The following GRID2 variants were observed in gnomAD, a reference collection of about 807,000 sequenced individuals.
GRID2 encodes glutamate ionotropic receptor delta type subunit 2.
In GRID2, 33 loss-of-function variants were observed where a neutral mutation model predicts 114.8. That is an observed-to-expected ratio of 0.29 (90% CI 0.22 to 0.38). The LOEUF (loss-of-function observed/expected upper bound fraction) is 0.38, where lower values mean the gene tolerates loss of function less well. Among genes scored for constraint, GRID2 ranks in the 10% least tolerant of loss-of-function variants. The pLI, the probability that GRID2 is intolerant of heterozygous loss-of-function variation, is 1.00. For missense variants in GRID2, 1,184 were observed against 1,257.7 expected (o/e 0.94, Z 0.89); for synonymous variants, 505 against 449.9 (o/e 1.12, Z -1.55).
intron 2 of GRID2, among the ~76,000 whole-genome samples, chr4:92,915,185 G>C (rs1404509729): frequency 1.3e-5 from 2 of 152,092 alleles, no homozygotes; most frequent in East Asian, 1.9e-4. Context: ...GAACAGCAAG[G>C]GGGAAACCGC....
At chr4:93,237,326 A>G (rs1746913863) in intron 7 of GRID2, among the ~76,000 whole-genome samples, 1 of 151,992 alleles carries the variant, frequency 6.6e-6, no homozygotes, top group Non-Finnish European at 1.5e-5. Flanking sequence ...AACATCAATC[A>G]AAAATAGTTT....
chr4:92,484,299 A>T (rs1722761073), intron 1 of GRID2, among the ~76,000 whole-genome samples: 1 of 152,160 alleles, frequency 6.6e-6, no homozygotes, highest in Non-Finnish European at 1.5e-5. Context: ...TCCAAGCTGC[A>T]TAATGATTCA....
intron 2 of GRID2, among the ~76,000 whole-genome samples, chr4:92,599,119 A>C (rs1729085577): frequency 1.4e-5 from 2 of 145,244 alleles, no homozygotes; most frequent in South Asian, 2.1e-4. Context: ...AGAATTATAC[A>C]TGTAGTGTAA....
chr4:92,321,369 T>G (rs1394970205), intron 1 of GRID2, among the ~76,000 whole-genome samples: 1 of 152,176 alleles, frequency 6.6e-6, no homozygotes, highest in Non-Finnish European at 1.5e-5. Flanking sequence ...TGTGCTTGTG[T>G]GTGCGCAAAA....
intron 8 of GRID2, among the ~76,000 whole-genome samples, chr4:93,329,910 GAA>G (rs33981658): frequency 1.5e-3 from 223 of 146,152 alleles, no homozygotes; most frequent in African/African-American, 4.6e-3. Context: ...GACTTATTGC[GAA>G]AAAAAAAAAA....
chr4:92,800,658 G>A (rs1402804313), intron 2 of GRID2, among the ~76,000 whole-genome samples: 1 of 151,874 alleles, frequency 6.6e-6, no homozygotes, highest in Non-Finnish European at 1.5e-5. Flanking sequence ...AAAGTGTAAA[G>A]CATAATAGGA....
chr4:93,316,602 A>G (rs922858974), intron 8 of GRID2, among the ~76,000 whole-genome samples: 2 of 152,166 alleles, frequency 1.3e-5, no homozygotes, highest in African/African-American at 4.8e-5. Flanking sequence ...GCTCTGATGG[A>G]AAAAGCATTT....
At chr4:92,335,929 T>G (rs1018151698) in intron 1 of GRID2, among the ~76,000 whole-genome samples, 5 of 152,196 alleles carry the variant, frequency 3.3e-5, no homozygotes, top group Non-Finnish European at 5.9e-5. Flanking sequence ...TGTTTTTTAC[T>G]TTATTTTATG....
At chr4:93,053,773 T>G (rs2149284008) in intron 2 of GRID2, among the ~76,000 whole-genome samples, 1 of 152,022 alleles carries the variant, frequency 6.6e-6, no homozygotes, top group African/African-American at 2.4e-5. Flanking sequence ...TATAGCTGTA[T>G]AAAAAGGAGT....
intron 13 of GRID2, among the ~76,000 whole-genome samples, chr4:93,573,040 T>C (rs1736077412): frequency 6.6e-6 from 1 of 152,170 alleles, no homozygotes; most frequent in Admixed American, 6.6e-5. Flanking sequence ...AAGTATATCA[T>C]GTACCTAGAT....
At chr4:92,576,974 A>T (rs1727925666) in intron 1 of GRID2, among the ~76,000 whole-genome samples, 1 of 152,126 alleles carries the variant, frequency 6.6e-6, no homozygotes, top group Non-Finnish European at 1.5e-5. Context: ...ATTACTTTCA[A>T]ATATATGTCT....
intron 1 of GRID2, among the ~76,000 whole-genome samples, chr4:92,315,614 A>G (rs1002548066): frequency 3.3e-5 from 5 of 152,136 alleles, no homozygotes; most frequent in African/African-American, 1.2e-4. Context: ...CATGTCATTG[A>G]TTGACTTAGT....
intron 1 of GRID2, among the ~76,000 whole-genome samples, chr4:92,542,370 C>T (rs566165524): frequency 2.6e-5 from 4 of 152,186 alleles, no homozygotes; most frequent in Admixed American, 2.6e-4. Context: ...AACAGTTTTA[C>T]CTGCTTTCTT....
intron 1 of GRID2, among the ~76,000 whole-genome samples, chr4:92,386,858 CTT>C (rs1729985773): frequency 6.6e-6 from 1 of 151,794 alleles, no homozygotes; most frequent in African/African-American, 2.4e-5. Flanking sequence ...AGCTGATTAA[CTT>C]GAGATACATA....
At chr4:93,654,050 T>C (rs1722802244) in intron 14 of GRID2, among the ~76,000 whole-genome samples, 2 of 152,218 alleles carry the variant, frequency 1.3e-5, no homozygotes, top group Non-Finnish European at 2.9e-5. Context: ...TTCTTTTATT[T>C]CCTGGGTGTT....
chr4:93,313,301 A>G (rs910931130), intron 8 of GRID2, among the ~76,000 whole-genome samples: 21 of 152,300 alleles, frequency 1.4e-4, no homozygotes, highest in Admixed American at 1.1e-3. Flanking sequence ...TTTCTCCTTC[A>G]GTAGTCATGC....
At chr4:93,061,957 G>A (rs927805490) in intron 2 of GRID2, among the ~76,000 whole-genome samples, 15 of 152,072 alleles carry the variant, frequency 9.9e-5, no homozygotes, top group African/African-American at 3.6e-4. Context: ...ACTAAGAATA[G>A]CCTCAACCTC....
At chr4:92,479,988 T>G (rs1043701368) in intron 1 of GRID2, among the ~76,000 whole-genome samples, 3 of 152,156 alleles carry the variant, frequency 2.0e-5, no homozygotes, top group Non-Finnish European at 4.4e-5. Flanking sequence ...AACATTGTAA[T>G]TACTAGCTTA....
intron 2 of GRID2, among the ~76,000 whole-genome samples, chr4:92,725,858 A>G (rs1455149290): frequency 3.3e-5 from 5 of 152,184 alleles, no homozygotes; most frequent in Non-Finnish European, 7.3e-5. Flanking sequence ...GCAGTTATAT[A>G]GAGATAAAGC....
Sources: gnomAD v4.1 joint callset for allele counts (sites outside exome capture counted in the v4.1 genomes callset) on GRCh38, gnomAD v4.1.1 for gene constraint, MANE v1.5 for transcripts, NCBI Gene and HGNC (gene_info 2026-07-23, HGNC 2026-07-21) for gene names.